Variants in AP3B1 observed in about 807,000 individuals in gnomAD.
AP3B1 encodes AP-3 complex subunit beta-1.
Under a neutral mutation model 132.5 loss-of-function variants are expected in AP3B1, and 61 were observed. The observed-to-expected ratio is 0.46, with a 90% confidence interval of 0.37 to 0.57. The LOEUF (loss-of-function observed/expected upper bound fraction) is 0.57, where lower values mean the gene tolerates loss of function less well. Among genes scored for constraint, AP3B1 ranks in the 20% least tolerant of loss-of-function variants. The pLI, the probability that AP3B1 is intolerant of heterozygous loss-of-function variation, is 0.00. For synonymous variants in AP3B1, 388 were observed against 438.3 expected, an observed-to-expected ratio of 0.89 and a Z score of 1.43; for missense variants, 1,120 against 1,289.4, an observed-to-expected ratio of 0.87 and a Z score of 2.01.
intron 22 of AP3B1, among the ~76,000 whole-genome samples, chr5:78,087,909 G>A (rs2112198722): frequency 1.3e-5 from 2 of 152,242 alleles, no homozygotes; most frequent in South Asian, 4.1e-4. Flanking sequence ...TAAGAGCTTT[G>A]CATATATTAT....
intron 1 of AP3B1, among the ~76,000 whole-genome samples, chr5:78,279,300 C>T (rs566018189): frequency 8.6e-5 from 13 of 152,024 alleles, no homozygotes; most frequent in Admixed American, 2.0e-4. Flanking sequence ...TATTTAGCCA[C>T]GTGGTAGTGG....
intron 16 of AP3B1, 57 bp from the exon 17 acceptor site, chr5:78,128,217 A>G (rs1261578431): frequency 7.0e-7 from 1 of 1,426,484 alleles, no homozygotes; most frequent in Non-Finnish European, 9.6e-7. Context: ...ATAACAGAGA[A>G]CAATCATAAT....
chr5:78,188,231 A>C lies in AP3B1; in HGVS notation c.787-6569T>G, dbSNP rs574125290. On this transcript the variant is annotated intron_variant, in intron 7 of 26. Transcript: ENST00000255194. ...CTGCAACAAAAGCAAAAATTGACAAATGGGATCTAATTAAACTAAAGAGCT... is the reference window on the plus strand; with the variant it reads ...CTGCAACAAAAGCAAAAATTGACAACTGGGATCTAATTAAACTAAAGAGCT... Among the ~76,000 whole-genome samples, 7 of 152,346 alleles carry C rather than the reference A, an allele frequency of 4.6e-5. No homozygotes were observed. The South Asian group carries it at 1.0e-3, about 23-fold the overall frequency.
chr5:78,113,186 G>A (rs988903927), intron 19 of AP3B1, among the ~76,000 whole-genome samples: 3 of 152,154 alleles, frequency 2.0e-5, no homozygotes, highest in African/African-American at 4.8e-5. Context: ...TGACAGCAGC[G>A]GGGAAAACAG....
chr5:78,242,761 T>A (rs1747195913), intron 2 of AP3B1, among the ~76,000 whole-genome samples: 1 of 152,204 alleles, frequency 6.6e-6, no homozygotes, highest in African/African-American at 2.4e-5. Context: ...GTGCACTATT[T>A]TACATTTCTA....
chr5:78,140,839 C>T (rs1753114733), intron 15 of AP3B1, among the ~76,000 whole-genome samples: 1 of 152,172 alleles, frequency 6.6e-6, no homozygotes, highest in Non-Finnish European at 1.5e-5. Flanking sequence ...GAGTTTCATC[C>T]TTTATAAAAT....
chr5:78,052,558 G>A (rs1748627367), intron 22 of AP3B1, among the ~76,000 whole-genome samples: 2 of 152,280 alleles, frequency 1.3e-5, no homozygotes, highest in South Asian at 4.1e-4. Context: ...TGTATTATCT[G>A]TGGCTGCTGT....
intron 11 of AP3B1, among the ~76,000 whole-genome samples, chr5:78,168,725 T>G (rs541625967): frequency 6.6e-6 from 1 of 152,304 alleles, no homozygotes; most frequent in South Asian, 2.1e-4. Flanking sequence ...ATCAGGTCAT[T>G]AAACTGATGC....
chr5:78,215,995 T>G, intron 7 of AP3B1, 60 bp downstream of exon 7: 1 of 1,581,186 alleles, frequency 6.3e-7, no homozygotes, highest in Non-Finnish European at 8.7e-7. Flanking sequence ...TTGCCCAAGT[T>G]TTAAAAAGCT....
chr5:78,253,086 G>A (rs1423641904), intron 2 of AP3B1, among the ~76,000 whole-genome samples: 1 of 152,228 alleles, frequency 6.6e-6, no homozygotes, highest in African/African-American at 2.4e-5. Flanking sequence ...GTCTCTGCCC[G>A]GTAATCCAGA....
chr5:78,147,396 C>T (rs1379665314), intron 14 of AP3B1, among the ~76,000 whole-genome samples: 1 of 152,004 alleles, frequency 6.6e-6, no homozygotes, highest in Admixed American at 6.6e-5. Context: ...TGGCCTGTAG[C>T]TAGTTTTTGT....
Position 78,038,195 on chromosome 5 carries a change from A to G in AP3B1, c.2809+848T>C, listed in dbSNP as rs968566722. 2.6e-5 allele frequency among the ~76,000 whole-genome samples: 4 copies of G among 152,332 alleles called. No homozygotes were observed. In the South Asian group the frequency reaches 6.2e-4, roughly 24 times the overall value. The stretch of plus-strand genomic sequence containing the variant: ...TTTACGCTCTGCTCCAAGAAAAGTG[A>G]GATTTCTCATTTTTTAAAATGTAAA... On this transcript the variant is annotated intron_variant, in intron 23 of 26. Transcript: ENST00000255194.
chr5:78,121,117 C>G lies in AP3B1; in HGVS notation c.1969-4883G>C, dbSNP rs1374291568. ...TACTGGGTACATAACAAAATGAGGG[C>G]AGAAATAAAGATGTTCTTTGAAACC... On this transcript the variant is annotated intron_variant, in intron 17 of 26. Transcript: ENST00000255194. Among the ~76,000 whole-genome samples, 5 of 152,184 alleles carry G rather than the reference C, an allele frequency of 3.3e-5. No individual in the cohort carries two copies. In the South Asian group the frequency reaches 8.3e-4, roughly 25 times the overall value.
chr5:78,213,812 T>C (rs1405830341), intron 7 of AP3B1, among the ~76,000 whole-genome samples: 1 of 152,178 alleles, frequency 6.6e-6, no homozygotes, highest in African/African-American at 2.4e-5. Context: ...ACAACAACAA[T>C]AATAGGAATC....
chr5:78,011,401 A>C (rs1746621665), intron 26 of AP3B1, among the ~76,000 whole-genome samples: 1 of 152,158 alleles, frequency 6.6e-6, no homozygotes, highest in African/African-American at 2.4e-5. Flanking sequence ...TTTTCAAGTA[A>C]GTACGACAGA....
chr5:78,190,952 G>A (rs1449424783), intron 7 of AP3B1, among the ~76,000 whole-genome samples: 2 of 152,044 alleles, frequency 1.3e-5, no homozygotes, highest in Non-Finnish European at 2.9e-5. Context: ...ATTTATAAAT[G>A]TATTATGAGG....
chr5:78,070,337 G>A (rs563592003), intron 22 of AP3B1, among the ~76,000 whole-genome samples: 2 of 151,706 alleles, frequency 1.3e-5, no homozygotes, highest in African/African-American at 4.8e-5. Flanking sequence ...AACCCAGGAG[G>A]CAGAGGATGC....
intron 3 of AP3B1, among the ~76,000 whole-genome samples, chr5:78,238,107 G>C (rs892778844): frequency 6.6e-6 from 1 of 152,182 alleles, no homozygotes; most frequent in African/African-American, 2.4e-5. Context: ...ATTTACAGCT[G>C]CTCTTCATTG....
chr5:78,241,484 T>C (rs1235326486), intron 2 of AP3B1, among the ~76,000 whole-genome samples: 6 of 152,248 alleles, frequency 3.9e-5, no homozygotes, highest in African/African-American at 1.4e-4. Flanking sequence ...AAAGATGTAC[T>C]GCATTTGCAA....
Sources: allele counts gnomAD v4.1 joint callset (sites outside exome capture counted in the v4.1 genomes callset), GRCh38; gene constraint gnomAD v4.1.1; transcripts MANE v1.5; gene names NCBI Gene and HGNC (gene_info 2026-07-23, HGNC 2026-07-21).